The following NALF1 variants were observed in gnomAD, a reference collection of about 807,000 sequenced individuals.
NALF1 encodes NALCN channel auxiliary factor 1, also known as family with sequence similarity 155 member A.
A neutral mutation model predicts 48.4 loss-of-function variants in NALF1; 3 were observed. That is an observed-to-expected ratio of 0.06 (90% CI 0.03 to 0.16). NALF1 has a LOEUF of 0.16. NALF1 is among the 10% of genes least tolerant of loss of function. The pLI is 1.00. For synonymous variants in NALF1, 262 were observed against 245.7 expected (o/e 1.07, Z -0.62); for missense variants, 526 against 571.5 (o/e 0.92, Z 0.81).
intron 1 of NALF1, among the ~76,000 whole-genome samples, chr13:107,770,967 C>T (rs1877560472): frequency 6.6e-6 from 1 of 152,000 alleles, no homozygotes; most frequent in Non-Finnish European, 1.5e-5. Flanking sequence ...GGTCTTTTTC[C>T]TTCCTAGGAA....
chr13:107,357,111 T>C (rs2138950801), intron 1 of NALF1, among the ~76,000 whole-genome samples: 1 of 152,268 alleles, frequency 6.6e-6, no homozygotes, highest in Non-Finnish European at 1.5e-5. Flanking sequence ...AGTCCATTTT[T>C]ACACTGCTAT....
chr13:107,497,562 T>A (rs1051213011), intron 1 of NALF1, among the ~76,000 whole-genome samples: 2 of 152,212 alleles, frequency 1.3e-5, no homozygotes, highest in South Asian at 4.1e-4. Flanking sequence ...TTTCTTCAAG[T>A]ACATCTTTCA....
chr13:107,863,256 A>C (rs1880625186), intron 1 of NALF1, among the ~76,000 whole-genome samples: 1 of 152,092 alleles, frequency 6.6e-6, no homozygotes, highest in African/African-American at 2.4e-5. Flanking sequence ...CATATCTTTC[A>C]AAGACAAAAA....
chr13:107,721,854 GATC>G (rs1458455709), intron 1 of NALF1, among the ~76,000 whole-genome samples: 1 of 152,152 alleles, frequency 6.6e-6, no homozygotes, highest in Non-Finnish European at 1.5e-5. Context: ...TCTGATGTCT[GATC>G]ATCACAACAC....
In NALF1 at chr13:107,606,771, A is replaced by AGTTG. The variant is rs569130922; in HGVS notation, c.915+258907_915+258910dup. On this transcript the variant is annotated intron_variant, in intron 1 of 2. Coordinates refer to ENST00000375915, the MANE Select transcript of NALF1 (RefSeq NM_001080396.3). ...AAATTGGCTTTCAAGCTGAATAGTG[A>AGTTG]GTTGGTTGGTTGGTTGACTCCATAT... 4.9e-4 allele frequency among the ~76,000 whole-genome samples: 75 copies of AGTTG among 152,248 alleles called. No individual in the cohort carries two copies. In the Middle Eastern group the frequency reaches 0.017, roughly 35 times the overall value.
At chr13:107,402,205 T>A (rs1883821419) in intron 1 of NALF1, among the ~76,000 whole-genome samples, 1 of 150,860 alleles carries the variant, frequency 6.6e-6, no homozygotes, top group Non-Finnish European at 1.5e-5. Context: ...CTGGCTTCGA[T>A]AAATCAATCA....
chr13:107,485,889 A>C (rs1885321748), intron 1 of NALF1, among the ~76,000 whole-genome samples: 1 of 152,160 alleles, frequency 6.6e-6, no homozygotes, highest in Non-Finnish European at 1.5e-5. Context: ...AAATGATCTC[A>C]CCCTTCCTCT....
intron 1 of NALF1, among the ~76,000 whole-genome samples, chr13:107,622,084 C>A (rs1307586299): frequency 6.6e-6 from 1 of 151,788 alleles, no homozygotes; most frequent in Non-Finnish European, 1.5e-5. Context: ...CCTCTGCCCC[C>A]CAGTTTCAAG....
chr13:107,703,840 T>G (rs902842923), intron 1 of NALF1, among the ~76,000 whole-genome samples: 3 of 152,232 alleles, frequency 2.0e-5, no homozygotes, highest in Non-Finnish European at 4.4e-5. Flanking sequence ...TCTTGCATTT[T>G]CTTTCATGGT....
intron 1 of NALF1, among the ~76,000 whole-genome samples, chr13:107,455,991 C>T (rs1318510039): frequency 6.6e-6 from 1 of 152,060 alleles, no homozygotes; most frequent in African/African-American, 2.4e-5. Context: ...CATTTGTTTA[C>T]AGGTTTTCTT....
chr13:107,202,271 A>G (rs185319638), intron 2 of NALF1, among the ~76,000 whole-genome samples: 20 of 151,586 alleles, frequency 1.3e-4, no homozygotes, highest in Admixed American at 4.6e-4. Flanking sequence ...TTTCTTACTT[A>G]TTACCTACAT....
chr13:107,203,903 G>T (rs534801300), intron 2 of NALF1, among the ~76,000 whole-genome samples: 10 of 152,358 alleles, frequency 6.6e-5, no homozygotes, highest in African/African-American at 2.4e-4. Context: ...GCTCATGCAG[G>T]GCCTGCCCAG....
chr13:107,277,619 T>C (rs779174283), intron 1 of NALF1, among the ~76,000 whole-genome samples: 9 of 152,062 alleles, frequency 5.9e-5, no homozygotes, highest in Non-Finnish European at 1.0e-4. Context: ...AATGAAAGGG[T>C]TTTCTAAGGC....
chr13:107,364,282 GAAC>G (rs1883114379), intron 1 of NALF1, among the ~76,000 whole-genome samples: 1 of 152,102 alleles, frequency 6.6e-6, no homozygotes, highest in African/African-American at 2.4e-5. Flanking sequence ...TATTGATCTT[GAAC>G]AACAAGATGG....
intron 1 of NALF1, among the ~76,000 whole-genome samples, chr13:107,829,099 G>T (rs1242500733): frequency 6.6e-6 from 1 of 152,142 alleles, no homozygotes; most frequent in African/African-American, 2.4e-5. Flanking sequence ...ATGAGCAAAA[G>T]TAGACAAGCA....
At chr13:107,325,136 G>A (rs577106671) in intron 1 of NALF1, among the ~76,000 whole-genome samples, 6 of 152,140 alleles carry the variant, frequency 3.9e-5, no homozygotes, top group East Asian at 1.9e-4. Context: ...TATTTTTCAC[G>A]TCCTAATATT....
intron 1 of NALF1, among the ~76,000 whole-genome samples, chr13:107,669,476 C>A (rs1388022184): frequency 1.3e-5 from 2 of 152,054 alleles, no homozygotes; most frequent in Non-Finnish European, 2.9e-5. Flanking sequence ...CAAACCAATT[C>A]AATACAACAT....
chr13:107,461,898 T>C (rs891893511), intron 1 of NALF1, among the ~76,000 whole-genome samples: 1 of 152,192 alleles, frequency 6.6e-6, no homozygotes, highest in Non-Finnish European at 1.5e-5. Flanking sequence ...ACACTGGCTC[T>C]TTTCCCAGCT....
chr13:107,413,574 G>C (rs962514293), intron 1 of NALF1, among the ~76,000 whole-genome samples: 6 of 151,988 alleles, frequency 3.9e-5, no homozygotes, highest in African/African-American at 1.2e-4. Flanking sequence ...GTGACTATCT[G>C]TTTGTTGGTC....
Sources: allele counts gnomAD v4.1 joint callset (sites outside exome capture counted in the v4.1 genomes callset), GRCh38; gene constraint gnomAD v4.1.1; transcripts MANE v1.5; gene names NCBI Gene and HGNC (gene_info 2026-07-23, HGNC 2026-07-21).